TMEM74: variants seen among roughly 807,000 people sequenced by gnomAD.
TMEM74 encodes the protein transmembrane protein 74.
TMEM74 carries 13 observed loss-of-function variants against 18.1 expected under a neutral mutation model. The observed-to-expected ratio is 0.72, with a 90% CI of 0.47 to 1.14. The LOEUF (loss-of-function observed/expected upper bound fraction) is 1.14. TMEM74 is among the 50% of genes most tolerant of loss of function. The pLI is 0.00. For synonymous variants in TMEM74, 159 were observed against 146.6 expected (o/e 1.08, Z -0.61); for missense variants, 372 against 375.9 (o/e 0.99, Z 0.09).
At chr8:108,710,346 T>A (rs1813462266) in intron 1 of TMEM74, among the ~76,000 whole-genome samples, 1 of 152,238 alleles carries the variant, frequency 6.6e-6, no homozygotes, top group Non-Finnish European at 1.5e-5. Flanking sequence ...GATTGTGGTA[T>A]CACTGATGAA....
At chr8:108,743,295 A>T (rs1480344812) in intron 1 of TMEM74, among the ~76,000 whole-genome samples, 2 of 152,208 alleles carry the variant, frequency 1.3e-5, no homozygotes, top group Admixed American at 6.5e-5. Flanking sequence ...AAGTACACTG[A>T]CAATATTCCC....
intron 2 of TMEM74, among the ~76,000 whole-genome samples, chr8:108,628,732 A>G (rs534862532): frequency 6.6e-6 from 1 of 152,186 alleles, no homozygotes; most frequent in African/African-American, 2.4e-5. Flanking sequence ...TGGTTGAACT[A>G]ATTTATACTT....
chr8:108,762,618 T>A (rs78581452), intron 1 of TMEM74, among the ~76,000 whole-genome samples: 1 of 152,146 alleles, frequency 6.6e-6, no homozygotes, highest in Non-Finnish European at 1.5e-5. Flanking sequence ...TTTCCTTATA[T>A]ATACTTTTTC....
At chr8:108,633,959 T>G (rs1216927943) in intron 2 of TMEM74, among the ~76,000 whole-genome samples, 1 of 152,042 alleles carries the variant, frequency 6.6e-6, no homozygotes, top group Non-Finnish European at 1.5e-5. Context: ...GGAAAATTAC[T>G]TTGCAGAAAT....
chr8:108,726,803 A>G (rs189193223), intron 1 of TMEM74, among the ~76,000 whole-genome samples: 1 of 152,170 alleles, frequency 6.6e-6, no homozygotes, highest in East Asian at 1.9e-4. Flanking sequence ...GAGGTGAAAA[A>G]TAAACAATTA....
At chr8:108,726,221 A>G (rs16892480) in intron 1 of TMEM74, among the ~76,000 whole-genome samples, 10,066 of 152,162 alleles carry the variant, frequency 0.066, 934 homozygotes, top group African/African-American at 0.21. Context: ...TCTATACCTA[A>G]TGGGAATGTT....
chr8:108,759,618 G>A (rs1025600625), intron 1 of TMEM74, among the ~76,000 whole-genome samples: 2 of 152,212 alleles, frequency 1.3e-5, no homozygotes, highest in Non-Finnish European at 2.9e-5. Flanking sequence ...AGGCAAAGAA[G>A]AATGGCACTG....
At chr8:108,752,079 C>G (rs1357788780) in intron 1 of TMEM74, among the ~76,000 whole-genome samples, 1 of 151,812 alleles carries the variant, frequency 6.6e-6, no homozygotes, top group African/African-American at 2.4e-5. Flanking sequence ...GAATGACAAC[C>G]CTTACCTTAT....
chr8:108,693,841 A>G (rs768253368), intron 1 of TMEM74, among the ~76,000 whole-genome samples: 12 of 152,246 alleles, frequency 7.9e-5, no homozygotes, highest in African/African-American at 1.2e-4. Context: ...TATGGAAAGC[A>G]TCTAATCTTA....
intron 1 of TMEM74, among the ~76,000 whole-genome samples, chr8:108,743,325 ACT>A (rs1158776509): frequency 3.9e-5 from 6 of 152,200 alleles, no homozygotes; most frequent in Admixed American, 3.9e-4. Context: ...ATTTAGCTCA[ACT>A]CTCTCTTTTG....
chr8:108,660,045 C>T (rs1410451472), intron 1 of TMEM74, among the ~76,000 whole-genome samples: 1 of 152,182 alleles, frequency 6.6e-6, no homozygotes, highest in Non-Finnish European at 1.5e-5. Context: ...CTCTGCCTTC[C>T]TTCTACAGAA....
At chr8:108,679,175 C>G (rs1813087377) in intron 1 of TMEM74, among the ~76,000 whole-genome samples, 1 of 152,080 alleles carries the variant, frequency 6.6e-6, no homozygotes, top group African/African-American at 2.4e-5. Context: ...GGTTCCAAGT[C>G]TTTGCTATTG....
At chr8:108,757,637 C>A (rs1034245410) in intron 1 of TMEM74, among the ~76,000 whole-genome samples, 34 of 151,834 alleles carry the variant, frequency 2.2e-4, no homozygotes, top group African/African-American at 8.2e-4. Flanking sequence ...CAATACATTG[C>A]TTTTAATGCC....
At chr8:108,675,324 C>T (rs1465743981) in intron 1 of TMEM74, among the ~76,000 whole-genome samples, 4 of 152,128 alleles carry the variant, frequency 2.6e-5, no homozygotes, top group African/African-American at 9.7e-5. Context: ...TCCAGATCTG[C>T]TTTAAAATTT....
At chr8:108,680,973 C>T (rs1322595250) in intron 1 of TMEM74, among the ~76,000 whole-genome samples, 1 of 152,114 alleles carries the variant, frequency 6.6e-6, no homozygotes, top group South Asian at 2.1e-4. Flanking sequence ...TGTGAAGGAC[C>T]TCTTCAAGGA....
chr8:108,726,877 T>A (rs1186317398), intron 1 of TMEM74, among the ~76,000 whole-genome samples: 1 of 151,300 alleles, frequency 6.6e-6, no homozygotes, highest in Non-Finnish European at 1.5e-5. Context: ...GGATATTAGG[T>A]GAATTAGGGG....
chr8:108,744,876 C>G (rs928926214), intron 1 of TMEM74, among the ~76,000 whole-genome samples: 2 of 152,150 alleles, frequency 1.3e-5, no homozygotes, highest in African/African-American at 4.8e-5. Context: ...CCCTGGGAAT[C>G]TGGCTGATGG....
chr8:108,672,547 C>T (rs1813013920), intron 1 of TMEM74, among the ~76,000 whole-genome samples: 2 of 152,108 alleles, frequency 1.3e-5, no homozygotes, highest in African/African-American at 2.4e-5. Context: ...GTTGTCAGTC[C>T]CCGGCCTGGG....
intron 1 of TMEM74, among the ~76,000 whole-genome samples, chr8:108,686,269 G>A (rs1291705605): frequency 6.6e-6 from 1 of 152,036 alleles, no homozygotes; most frequent in Non-Finnish European, 1.5e-5. Context: ...AGTGATCTTG[G>A]CTCACTGCAA....
Sources: gnomAD v4.1 joint callset for allele counts (sites outside exome capture counted in the v4.1 genomes callset) on GRCh38, gnomAD v4.1.1 for gene constraint, MANE v1.5 for transcripts, NCBI Gene and HGNC (gene_info 2026-07-23, HGNC 2026-07-21) for gene names.